Variants in KCNQ5 observed in about 807,000 individuals in gnomAD.
KCNQ5 encodes potassium voltage-gated channel subfamily KQT member 5.
KCNQ5 carries 30 observed loss-of-function variants against 98.2 expected under a neutral mutation model. The ratio of observed to expected loss-of-function variants is 0.31; its 90% CI spans 0.23 to 0.41. KCNQ5 has a LOEUF of 0.41. Among genes scored for constraint, KCNQ5 ranks in the 10% least tolerant of loss-of-function variants. The probability of loss-of-function intolerance (pLI) is 1.00; values close to 1 mark genes in which losing one functional copy is unlikely to be tolerated. For missense variants in KCNQ5, 835 were observed against 1,182.5 expected, an observed-to-expected ratio of 0.71 and a Z score of 4.31; for synonymous variants, 458 against 449.4, an observed-to-expected ratio of 1.02 and a Z score of -0.24.
At chr6:72,646,088 G>A (rs968254050) in intron 1 of KCNQ5, among the ~76,000 whole-genome samples, 1 of 152,018 alleles carries the variant, frequency 6.6e-6, no homozygotes, top group Non-Finnish European at 1.5e-5. Flanking sequence ...CATATTAATG[G>A]TATCCCATGG....
chr6:73,063,733 A>AGATAGAT (rs1562156395), intron 3 of KCNQ5, among the ~76,000 whole-genome samples: 7 of 111,078 alleles, frequency 6.3e-5, no homozygotes, highest in Admixed American at 1.8e-4. Flanking sequence ...ATAGATAGAT[A>AGATAGAT]GATAGATAGA....
intron 1 of KCNQ5, among the ~76,000 whole-genome samples, chr6:72,775,800 C>T (rs1397844822): frequency 3.3e-5 from 5 of 152,104 alleles, no homozygotes; most frequent in South Asian, 2.1e-4. Context: ...CACAAAATAG[C>T]TCATCTGTAC....
At chr6:72,828,015 C>A (rs996758005) in intron 1 of KCNQ5, among the ~76,000 whole-genome samples, 3 of 151,840 alleles carry the variant, frequency 2.0e-5, no homozygotes, top group Non-Finnish European at 2.9e-5. Flanking sequence ...TTCTAGGAAC[C>A]TTTATTAAAA....
chr6:72,800,692 T>A (rs1169677534), intron 1 of KCNQ5, among the ~76,000 whole-genome samples: 1 of 152,176 alleles, frequency 6.6e-6, no homozygotes, highest in African/African-American at 2.4e-5. Flanking sequence ...TGCTCTTGCT[T>A]TTCTAGTTCT....
At chr6:73,087,357 G>C (rs1774029991) in intron 5 of KCNQ5, among the ~76,000 whole-genome samples, 1 of 152,188 alleles carries the variant, frequency 6.6e-6, no homozygotes, top group Admixed American at 6.5e-5. Flanking sequence ...TCTGACATGA[G>C]CAAGTGGATA....
chr6:73,050,817 A>G (rs180885411), intron 3 of KCNQ5, among the ~76,000 whole-genome samples: 2 of 152,342 alleles, frequency 1.3e-5, no homozygotes, highest in Admixed American at 1.3e-4. Flanking sequence ...TTATAATGTT[A>G]TATAAATGAA....
At chr6:73,053,874 G>C (rs918474724) in intron 3 of KCNQ5, among the ~76,000 whole-genome samples, 1 of 150,906 alleles carries the variant, frequency 6.6e-6, no homozygotes, top group Non-Finnish European at 1.5e-5. Flanking sequence ...AAATTGAGAC[G>C]CAAAAAAACA....
At chr6:72,899,937 C>T (rs893010035) in intron 1 of KCNQ5, among the ~76,000 whole-genome samples, 1 of 152,108 alleles carries the variant, frequency 6.6e-6, no homozygotes, top group Non-Finnish European at 1.5e-5. Context: ...CCTCTGCCTC[C>T]CAGGTTCAAG....
At chr6:73,186,913 G>T (rs918334577) in intron 11 of KCNQ5, among the ~76,000 whole-genome samples, 60 of 151,932 alleles carry the variant, frequency 3.9e-4, no homozygotes, top group Admixed American at 8.5e-4. Context: ...TTTACATTAG[G>T]TATTTCTCCT....
chr6:72,623,091 TG>T (rs1375944098), intron 1 of KCNQ5, among the ~76,000 whole-genome samples: 1 of 151,798 alleles, frequency 6.6e-6, no homozygotes, highest in Non-Finnish European at 1.5e-5. Context: ...AGCTGCTACT[TG>T]GAGAGAGCTG....
At chr6:73,114,437 A>T (rs1463725224) in intron 7 of KCNQ5, among the ~76,000 whole-genome samples, 1 of 152,234 alleles carries the variant, frequency 6.6e-6, no homozygotes, top group East Asian at 1.9e-4. Context: ...AAAAAAATTT[A>T]AAACCCCAGA....
intron 1 of KCNQ5, among the ~76,000 whole-genome samples, chr6:72,842,647 G>A (rs533769672): frequency 8.5e-5 from 13 of 152,282 alleles, no homozygotes; most frequent in South Asian, 4.1e-4. Flanking sequence ...TCCAGCATCT[G>A]TTGTTTCCTG....
chr6:72,823,593 A>G (rs979839907), intron 1 of KCNQ5, among the ~76,000 whole-genome samples: 1 of 152,168 alleles, frequency 6.6e-6, no homozygotes, highest in Non-Finnish European at 1.5e-5. Flanking sequence ...TAGCAGCTGC[A>G]GAAGGGAGAC....
chr6:72,861,355 A>G (rs10498885), intron 1 of KCNQ5, among the ~76,000 whole-genome samples: 4,194 of 152,222 alleles, frequency 0.028, 201 homozygotes, highest in African/African-American at 0.095. Context: ...GACAGTAACA[A>G]AATTGAAATA....
At chr6:72,832,693 C>G (rs1267016813) in intron 1 of KCNQ5, among the ~76,000 whole-genome samples, 1 of 152,202 alleles carries the variant, frequency 6.6e-6, no homozygotes, top group Admixed American at 6.5e-5. Flanking sequence ...GTCTCTAATT[C>G]TTCCTGCACA....
chr6:73,024,636 A>T (rs371077959), intron 2 of KCNQ5, among the ~76,000 whole-genome samples: 22 of 152,334 alleles, frequency 1.4e-4, no homozygotes, highest in African/African-American at 4.3e-4. Context: ...ATTCAGTTTT[A>T]TGTTTCTTTC....
intron 5 of KCNQ5, among the ~76,000 whole-genome samples, chr6:73,087,364 G>A (rs1282250172): frequency 6.6e-6 from 1 of 152,194 alleles, no homozygotes; most frequent in Non-Finnish European, 1.5e-5. Context: ...TGAGCAAGTG[G>A]ATAGATTGGT....
chr6:72,760,470 GTGT>G (rs2154476993), intron 1 of KCNQ5, among the ~76,000 whole-genome samples: 1 of 152,024 alleles, frequency 6.6e-6, no homozygotes, highest in Non-Finnish European at 1.5e-5. Flanking sequence ...GTGTGTGTGT[GTGT>G]GTGTGTGCAC....
intron 1 of KCNQ5, among the ~76,000 whole-genome samples, chr6:72,975,067 G>A (rs745732455): frequency 9.2e-5 from 14 of 151,986 alleles, no homozygotes; most frequent in South Asian, 2.1e-4. Context: ...ATCTCCCAGC[G>A]CCATTTAATA....
Sources: allele counts gnomAD v4.1 joint callset (sites outside exome capture counted in the v4.1 genomes callset), GRCh38; gene constraint gnomAD v4.1.1; transcripts MANE v1.5; gene names NCBI Gene and HGNC (gene_info 2026-07-23, HGNC 2026-07-21).